The following NAV3 variants were observed in gnomAD, a reference collection of about 807,000 sequenced individuals.
NAV3 encodes neuron navigator 3, also known as pore membrane and/or filament interacting like protein 1.
NAV3 carries 87 observed loss-of-function variants against 244.7 expected under a neutral mutation model. The observed-to-expected ratio is 0.36, with a 90% CI of 0.30 to 0.42. The LOEUF is 0.42. Among genes scored for constraint, NAV3 ranks in the 20% least tolerant of loss-of-function variants. The pLI is 1.00. For synonymous variants in NAV3, 1,126 were observed against 1,042.2 expected (o/e 1.08, Z -1.55); for missense variants, 2,663 against 2,893.3 (o/e 0.92, Z 1.83).
chr12:77,963,052 G>A (rs781501065), intron 3 of NAV3, among the ~76,000 whole-genome samples: 1 of 151,860 alleles, frequency 6.6e-6, no homozygotes, highest in Non-Finnish European at 1.5e-5. Context: ...TAATAATGAA[G>A]GAAAATAAAA....
intron 2 of NAV3, among the ~76,000 whole-genome samples, chr12:77,703,745 A>G (rs973952264): frequency 6.6e-6 from 1 of 152,152 alleles, no homozygotes; most frequent in African/African-American, 2.4e-5. Flanking sequence ...TGACAATTCC[A>G]CAAAATTAAA....
intron 2 of NAV3, among the ~76,000 whole-genome samples, chr12:77,629,023 A>C (rs1170119002): frequency 6.6e-6 from 1 of 152,208 alleles, no homozygotes; most frequent in African/African-American, 2.4e-5. Context: ...TAGTAGGTAA[A>C]CCTTAATTGC....
At chr12:78,160,398 TGCGTGC>T (rs201066037) in intron 23 of NAV3, among the ~76,000 whole-genome samples, 4 of 84,126 alleles carry the variant, frequency 4.8e-5, no homozygotes, top group Non-Finnish European at 7.0e-5. Flanking sequence ...TGTGTGTGTG[TGCGTGC>T]GTGTGTGTGT....
chr12:77,624,058 G>A (rs1164716662), intron 2 of NAV3, among the ~76,000 whole-genome samples: 1 of 152,156 alleles, frequency 6.6e-6, no homozygotes, highest in Non-Finnish European at 1.5e-5. Context: ...GGAAGATGGG[G>A]AGAAAAAAGT....
chr12:78,103,831 A>T (rs1178339645), intron 12 of NAV3, among the ~76,000 whole-genome samples: 1 of 152,222 alleles, frequency 6.6e-6, no homozygotes, highest in South Asian at 2.1e-4. Flanking sequence ...ATGATCTCCA[A>T]CCAGGTGCCT....
chr12:77,897,338 A>T (rs1007820613), intron 1 of NAV3, among the ~76,000 whole-genome samples: 1 of 152,244 alleles, frequency 6.6e-6, no homozygotes. Context: ...GTAAATGATT[A>T]GTGCACACTA....
At chr12:77,984,859 C>T (rs1196395705) in intron 5 of NAV3, among the ~76,000 whole-genome samples, 1 of 152,086 alleles carries the variant, frequency 6.6e-6, no homozygotes, top group Non-Finnish European at 1.5e-5. Context: ...CTCTGTCACC[C>T]ATGCTGGAGT....
intron 3 of NAV3, among the ~76,000 whole-genome samples, chr12:77,941,436 G>A (rs1167313869): frequency 1.3e-5 from 2 of 152,070 alleles, no homozygotes; most frequent in Non-Finnish European, 2.9e-5. Flanking sequence ...CTTTTAAGTG[G>A]ATTATTTTTG....
chr12:77,607,495 A>G (rs1292104666), intron 2 of NAV3, among the ~76,000 whole-genome samples: 1 of 152,124 alleles, frequency 6.6e-6, no homozygotes, highest in Non-Finnish European at 1.5e-5. Context: ...TGTTTTTGAC[A>G]TCTTTAAAAC....
At chr12:77,943,523 CTG>C (rs2137524154) in intron 3 of NAV3, among the ~76,000 whole-genome samples, 2 of 152,228 alleles carry the variant, frequency 1.3e-5, no homozygotes, top group East Asian at 3.9e-4. Flanking sequence ...ATTTTTGCCT[CTG>C]TTCTTAAGAA....
chr12:77,660,924 C>T (rs949091321), intron 2 of NAV3, among the ~76,000 whole-genome samples: 3 of 152,064 alleles, frequency 2.0e-5, no homozygotes, highest in African/African-American at 7.2e-5. Context: ...AGCCGTAGTT[C>T]ATTTCTTTTT....
chr12:77,888,176 A>G (rs571707937), intron 1 of NAV3, among the ~76,000 whole-genome samples: 1 of 152,240 alleles, frequency 6.6e-6, no homozygotes, highest in Admixed American at 6.5e-5. Context: ...TACTCTAACT[A>G]AAGTGGTTAT....
chr12:77,689,313 C>T (rs1390049362), intron 2 of NAV3, among the ~76,000 whole-genome samples: 2 of 151,890 alleles, frequency 1.3e-5, no homozygotes, highest in Non-Finnish European at 2.9e-5. Context: ...CTGAATGAAT[C>T]AAGATGAGCT....
intron 2 of NAV3, among the ~76,000 whole-genome samples, chr12:77,770,281 G>T (rs1302324636): frequency 6.6e-6 from 1 of 152,156 alleles, no homozygotes; most frequent in Admixed American, 6.5e-5. Flanking sequence ...GGTACCTGTG[G>T]CAGGATAGTA....
intron 6 of NAV3, among the ~76,000 whole-genome samples, chr12:77,995,925 TC>T (rs1227465093): frequency 3.9e-5 from 6 of 152,080 alleles, no homozygotes; most frequent in Admixed American, 6.6e-5. Flanking sequence ...TCTCTCTCTC[TC>T]CTCTCTGCTT....
At chr12:77,933,084 C>T (rs1471218447) in intron 1 of NAV3, among the ~76,000 whole-genome samples, 1 of 152,044 alleles carries the variant, frequency 6.6e-6, no homozygotes, top group Non-Finnish European at 1.5e-5. Flanking sequence ...AACTAATTTT[C>T]TCTTAAAAAT....
At chr12:77,919,569 A>G (rs58080611) in intron 1 of NAV3, among the ~76,000 whole-genome samples, 3,433 of 152,202 alleles carry the variant, frequency 0.023, 116 homozygotes, top group African/African-American at 0.077. Context: ...ACTAAAATAC[A>G]TAAGTAAGAA....
intron 2 of NAV3, among the ~76,000 whole-genome samples, chr12:77,809,733 A>C (rs889261496): frequency 2.0e-5 from 3 of 152,208 alleles, no homozygotes; most frequent in African/African-American, 7.2e-5. Context: ...AACATACGTC[A>C]TTGTATGTTG....
chr12:78,126,807 A>G (rs1473763448), intron 16 of NAV3, among the ~76,000 whole-genome samples: 1 of 152,184 alleles, frequency 6.6e-6, no homozygotes, highest in Non-Finnish European at 1.5e-5. Flanking sequence ...GAGCAGATCT[A>G]TCTCATTTTG....
Sources: allele counts gnomAD v4.1 joint callset (sites outside exome capture counted in the v4.1 genomes callset), GRCh38; gene constraint gnomAD v4.1.1; transcripts MANE v1.5; gene names NCBI Gene and HGNC (gene_info 2026-07-23, HGNC 2026-07-21).